LRRK1: variants seen among roughly 807,000 people sequenced by gnomAD.
The protein encoded by LRRK1 is leucine rich repeat kinase 1.
LRRK1 carries 113 observed loss-of-function variants against 209.1 expected under a neutral mutation model. The ratio of observed to expected loss-of-function variants is 0.54; its 90% CI spans 0.46 to 0.63. The LOEUF is 0.63. LRRK1 is among the 30% of genes least tolerant of loss of function. The pLI, the probability that LRRK1 is intolerant of heterozygous loss-of-function variation, is 0.00. For synonymous variants in LRRK1, 1,144 were observed against 1,099.7 expected, an observed-to-expected ratio of 1.04 and a Z score of -0.80; for missense variants, 2,284 against 2,632.2, an observed-to-expected ratio of 0.87 and a Z score of 2.89.
intron 2 of LRRK1, among the ~76,000 whole-genome samples, chr15:100,973,107 CCGTGGCCGCCCCGTG>C (rs1482255415): frequency 3.9e-5 from 6 of 152,254 alleles, no homozygotes; most frequent in African/African-American, 1.2e-4. Flanking sequence ...GCTCGGCCTG[CCGTGGCCGCCCCGTG>C]AGTGACCGCC....
At position 101,028,978 on chromosome 15, in the gene LRRK1, C is replaced by T. The variant is rs370260141; in HGVS notation, c.2709C>T (p.Thr903=). The T allele has an allele frequency of 5.6e-5, 91 of 1,613,950 alleles. 1 individual carries two copies. Among genetic ancestry groups the T allele is most frequent in the Non-Finnish European group, 6.9e-5 (81 of 1,180,010 alleles). The change falls in exon 20 of 34, where the codon ACC becomes ACT. Residue 903 remains threonine, a synonymous_variant. Transcript: ENST00000388948. ...LQSAISFLIE[T]GTLLHFPDTS... ...CAGCCATCAGCTTCCTCATAGAAACCGGCACCCTGCTCCATTTCCCGGACA... is the reference window on the plus strand; with the variant it reads ...CAGCCATCAGCTTCCTCATAGAAACTGGCACCCTGCTCCATTTCCCGGACA...
chr15:101,073,170 T>TC lies in LRRK1; in HGVS notation c.*4323dup, dbSNP rs2036865567. 1 of 153,186 alleles carries TC rather than the reference T, an allele frequency of 6.5e-6. No individual in the cohort carries two copies. Among genetic ancestry groups the TC allele is most frequent in the Non-Finnish European group, 1.5e-5 (1 of 68,752 alleles). 9.5% of individuals were successfully genotyped at this position (153,186 alleles called of 1,614,324 possible). ...CTCCTTTCAATCTTGGCGCCACACT[T>TC]CAATTTCTCCCTTCTCTTAACTTCA... On this transcript the variant is annotated 3_prime_UTR_variant, in exon 34 of 34. Coordinates refer to ENST00000388948, the MANE Select transcript of LRRK1 (RefSeq NM_024652.6).
chr15:100,944,862 A>C lies in LRRK1; in HGVS notation c.97+20133A>C, dbSNP rs370512003. The stretch of plus-strand genomic sequence containing the variant: ...TCATAAGTATCGATCTACAATCCTG[A>C]GATTCTTACATCCTTCCAGAATCTT... On this transcript the variant is annotated intron_variant, in intron 2 of 33. Coordinates refer to ENST00000388948, the MANE Select transcript of LRRK1 (RefSeq NM_024652.6). Among the ~76,000 whole-genome samples, 163 of 152,350 alleles carry C rather than the reference A, an allele frequency of 1.1e-3. 3 individuals are homozygous for C. Among genetic ancestry groups the C allele is most frequent in the African/African-American group, 3.8e-3 (160 of 41,590 alleles).
intron 2 of LRRK1, among the ~76,000 whole-genome samples, chr15:100,945,074 G>A (rs951896739): frequency 2.0e-5 from 3 of 152,104 alleles, no homozygotes; most frequent in Admixed American, 6.5e-5. Flanking sequence ...TTATACAGGC[G>A]GTCTCCTCTT....
intron 29 of LRRK1, among the ~76,000 whole-genome samples, chr15:101,059,791 T>G (rs1321289369): frequency 6.6e-6 from 1 of 152,210 alleles, no homozygotes; most frequent in African/African-American, 2.4e-5. Flanking sequence ...GACTGTGGTC[T>G]CTAAGTACCA....
chr15:101,010,769 T>A lies in LRRK1; in HGVS notation c.1213T>A (p.Ser405Thr). 2 of 1,613,968 alleles carry A rather than the reference T, an allele frequency of 1.2e-6. No homozygotes were observed. Among genetic ancestry groups the A allele is most frequent in the Non-Finnish European group, 8.5e-7 (1 of 1,179,976 alleles). Residue 405 changes from serine to threonine, a missense_variant, in exon 9 of 34, where the codon TCC (serine) becomes ACC (threonine). Around this residue, in one of 6 missense-constraint regions of LRRK1, gnomAD observed 494 missense variants for 522.1 expected, o/e 0.95. Coordinates refer to ENST00000388948, the MANE Select transcript of LRRK1 (RefSeq NM_024652.6). The stretch of plus-strand genomic sequence containing the variant: ...TGCCCTGTTCCTTCACTCTTTCAAG[T>A]CCCTCAATTCTCTGAATGTCTCCAG... ...LPALFLHSFK[S>T]LNSLNVSRNN...
At chr15:101,000,653 C>T (rs1441539969) in intron 6 of LRRK1, among the ~76,000 whole-genome samples, 1 of 152,194 alleles carries the variant, frequency 6.6e-6, no homozygotes, top group Non-Finnish European at 1.5e-5. Context: ...CTTGTGGCCA[C>T]ATCTCCCCCG....
rs1291861873 is a variant in LRRK1, at chr15:101,062,698, CG to C, written c.4914+12del. The C allele has an allele frequency of 6.3e-7, 1 of 1,592,876 alleles. No homozygotes were observed. Among genetic ancestry groups the C allele is most frequent in the African/African-American group, 1.3e-5 (1 of 74,446 alleles). ...GTGCCTGTTATTAAAAAGGTGAGGT[CG>C]GGGCAAAGGCAGGTATGCAGGTCTC... On this transcript the variant is annotated intron_variant, in intron 31 of 33. Transcript: ENST00000388948.
In LRRK1 at chr15:101,015,332, AGAT is replaced by A; in HGVS notation, c.1541_1543del (p.Asp514del). On this transcript the variant is annotated inframe_deletion, in exon 12 of 34. Coordinates refer to ENST00000388948, the MANE Select transcript of LRRK1 (RefSeq NM_024652.6). ...CTCTTTTTCCTCCCCCCAGAAATGA[AGAT>A]GGACTGAAAACGAAGCGTATTGCCT... 6.2e-7 allele frequency: 1 copy of A among 1,613,714 alleles called. No individual in the cohort carries two copies. The highest frequency in any genetic ancestry group is 8.5e-7 in the Non-Finnish European group (1 of 1,179,668).
intron 2 of LRRK1, among the ~76,000 whole-genome samples, chr15:100,968,254 G>A (rs2030603369): frequency 1.3e-5 from 2 of 152,020 alleles, no homozygotes; most frequent in African/African-American, 4.8e-5. Context: ...TCATTCTCCT[G>A]TGGATGGACA....
chr15:100,976,470 A>G (rs1363991993), intron 3 of LRRK1, among the ~76,000 whole-genome samples: 1 of 152,250 alleles, frequency 6.6e-6, no homozygotes, highest in Non-Finnish European at 1.5e-5. Flanking sequence ...AAATAAAACA[A>G]AAATGAAGCA....
intron 20 of LRRK1, among the ~76,000 whole-genome samples, chr15:101,034,388 C>G (rs1363509281): frequency 6.6e-6 from 1 of 152,062 alleles, no homozygotes. Context: ...AGTTTGGGGT[C>G]TTAAATTTAA....
intron 2 of LRRK1, among the ~76,000 whole-genome samples, chr15:100,943,359 A>G (rs2042478578): frequency 1.3e-5 from 2 of 152,220 alleles, no homozygotes; most frequent in Admixed American, 1.3e-4. Context: ...AGCTAATACT[A>G]GCATCTGATG....
Position 101,019,449 on chromosome 15 carries a change from C to T in LRRK1, c.1610-1604C>T, listed in dbSNP as rs568492581. On this transcript the variant is annotated intron_variant, in intron 12 of 33. Coordinates refer to ENST00000388948, the MANE Select transcript of LRRK1 (RefSeq NM_024652.6). ...TCATACAAAGCCATCTTTAGAAGGC[C>T]GGTGCACCTTTATTTCCGCAGGAGC... is the stretch of plus-strand genomic sequence containing the variant. 6.6e-5 allele frequency among the ~76,000 whole-genome samples: 10 copies of T among 152,266 alleles called. No individual in the cohort carries two copies. In the East Asian group the frequency reaches 1.7e-3, roughly 26 times the overall value.
At chr15:100,935,934 G>A (rs532154286) in intron 2 of LRRK1, among the ~76,000 whole-genome samples, 3 of 152,224 alleles carry the variant, frequency 2.0e-5, no homozygotes, top group Admixed American at 6.5e-5. Flanking sequence ...GCCTACTGCC[G>A]AATTCTTGGA....
intron 20 of LRRK1, among the ~76,000 whole-genome samples, chr15:101,035,687 A>G (rs374313410): frequency 5.3e-5 from 8 of 151,896 alleles, no homozygotes; most frequent in African/African-American, 1.7e-4. Flanking sequence ...TTCCTGTCCT[A>G]TTGTTAATTA....
intron 2 of LRRK1, among the ~76,000 whole-genome samples, chr15:100,948,000 C>T (rs1244990762): frequency 1.3e-5 from 2 of 152,220 alleles, no homozygotes; most frequent in East Asian, 1.9e-4. Flanking sequence ...AAGACAGTTG[C>T]TTGACAAGGC....
At chr15:101,036,996 G>A (rs1195562684) in intron 20 of LRRK1, among the ~76,000 whole-genome samples, 4 of 152,342 alleles carry the variant, frequency 2.6e-5, no homozygotes, top group Admixed American at 2.6e-4. Context: ...CCCCAGTGGT[G>A]GCAGCAGGCA....
intron 2 of LRRK1, among the ~76,000 whole-genome samples, chr15:100,926,310 C>T (rs562004684): frequency 1.3e-5 from 2 of 152,200 alleles, no homozygotes; most frequent in African/African-American, 4.8e-5. Context: ...GGGGGTAGCA[C>T]CTCCACCTTT....
Sources: allele counts gnomAD v4.1 joint callset (sites outside exome capture counted in the v4.1 genomes callset), GRCh38; gene constraint gnomAD v4.1.1; regional missense constraint gnomAD v4.1.1; transcripts MANE v1.5; gene names NCBI Gene and HGNC (gene_info 2026-07-23, HGNC 2026-07-21).